LIN9: variants seen among roughly 807,000 people sequenced by gnomAD.
LIN9 encodes the protein protein lin-9 homolog.
In LIN9, 18 loss-of-function variants were observed where a neutral mutation model predicts 78.0. The ratio of observed to expected loss-of-function variants is 0.23; its 90% CI spans 0.16 to 0.34. The LOEUF is 0.34. LIN9 is among the 10% of genes least tolerant of loss of function. LIN9 has a pLI of 1.00. For missense variants in LIN9, 451 were observed against 644.1 expected (o/e 0.70, Z 3.25); for synonymous variants, 192 against 215.2 (o/e 0.89, Z 0.94).
Position 226,236,600 on chromosome 1 carries a change from C to T in LIN9, c.1245+2371G>A, listed in dbSNP as rs1007113419. ...CCTCCCGAGTAGCTGGGACTACAGG[C>T]GCCCGCCACCACGCCCAGCTAATTT... On this transcript the variant is annotated intron_variant, in intron 12 of 14. Coordinates refer to ENST00000681046, the MANE Select transcript of LIN9 (RefSeq NM_001366245.2). 4.5e-4 allele frequency among the ~76,000 whole-genome samples: 68 copies of T among 152,066 alleles called. 1 individual carries two copies. Among genetic ancestry groups the T allele is most frequent in the Non-Finnish European group, 1.2e-4 (8 of 68,004 alleles).
intron 4 of LIN9, among the ~76,000 whole-genome samples, 197 bp downstream of exon 4, chr1:226,295,645 A>G (rs994029072): frequency 3.3e-5 from 5 of 152,160 alleles, no homozygotes; most frequent in Admixed American, 3.3e-4. Flanking sequence ...TTGTAGGACT[A>G]ATGACTGGCT....
At chr1:226,281,156 T>C (rs1301343824) in intron 6 of LIN9, among the ~76,000 whole-genome samples, 1 of 152,152 alleles carries the variant, frequency 6.6e-6, no homozygotes, top group Non-Finnish European at 1.5e-5. Context: ...CTAAGTGTAA[T>C]AAGCCAGGCA....
Position 226,231,881 on chromosome 1 carries a change from ATAAAT to A in LIN9, c.*615_*619del. 1 of 314,256 alleles carries A rather than the reference ATAAAT, an allele frequency of 3.2e-6. No individual in the cohort carries two copies. The highest frequency in any genetic ancestry group is 5.7e-6 in the Non-Finnish European group (1 of 176,076). The allele number at this position is 314,256 out of a possible 1,614,324, so 19.5% of individuals were successfully genotyped here. A position where few individuals can be genotyped will look rare whatever the true frequency, so the allele number is the denominator to read the frequency against. ...ACAAAGGTTTCTTTTATATGTTATG[ATAAAT>A]TAAAATATTTATTATTATAAAATGA... is the stretch of plus-strand genomic sequence containing the variant. On this transcript the variant is annotated 3_prime_UTR_variant, in exon 15 of 15. Transcript: ENST00000681046.
At chr1:226,309,241 C>A, upstream of LIN9, 1 of 1,360,082 alleles carries the variant, frequency 7.4e-7, no homozygotes, top group Non-Finnish European at 9.7e-7. Context: ...GCTCGCTGCC[C>A]GCGGCGCCGC....
At chr1:226,289,859 G>GGGGA (rs1661638467) in intron 4 of LIN9, among the ~76,000 whole-genome samples, 2 of 100,850 alleles carry the variant, frequency 2.0e-5, no homozygotes, top group Non-Finnish European at 4.1e-5. Context: ...GGGGGGGTGG[G>GGGGA]AAAGCTAGGT....
intron 10 of LIN9, among the ~76,000 whole-genome samples, chr1:226,255,053 C>G (rs764073973): frequency 6.6e-6 from 1 of 151,918 alleles, no homozygotes; most frequent in Non-Finnish European, 1.5e-5. Context: ...AACCCATGAG[C>G]AAAAACCTCT....
chr1:226,241,976 A>C (rs550294650), intron 11 of LIN9, among the ~76,000 whole-genome samples: 1 of 152,334 alleles, frequency 6.6e-6, no homozygotes, highest in African/African-American at 2.4e-5. Context: ...ACTTCTAAAA[A>C]TATTTTTTGA....
At chr1:226,280,179 C>A (rs1039389011) in intron 6 of LIN9, among the ~76,000 whole-genome samples, 2 of 152,182 alleles carry the variant, frequency 1.3e-5, no homozygotes, top group African/African-American at 4.8e-5. Context: ...TTAAACATCA[C>A]TTTCATGCCA....
chr1:226,253,316 T>A (rs1170493884), intron 10 of LIN9, among the ~76,000 whole-genome samples: 1 of 151,818 alleles, frequency 6.6e-6, no homozygotes, highest in Non-Finnish European at 1.5e-5. Flanking sequence ...TATCTCTCTT[T>A]TTTTTGGAGA....
chr1:226,237,242 A>C (rs1007727559), intron 12 of LIN9, among the ~76,000 whole-genome samples: 2 of 152,208 alleles, frequency 1.3e-5, no homozygotes, highest in African/African-American at 4.8e-5. Context: ...TGTCTTGTGA[A>C]TAATTGCTAG....
intron 10 of LIN9, among the ~76,000 whole-genome samples, chr1:226,264,616 T>TG (rs1178030837): frequency 6.6e-6 from 1 of 152,010 alleles, no homozygotes; most frequent in Non-Finnish European, 1.5e-5. Flanking sequence ...GAGGCCAAGG[T>TG]GGGGGGATCA....
Position 226,231,863 on chromosome 1 carries a change from T to C in LIN9, c.*638A>G, listed in dbSNP as rs1485706265. 2 of 283,160 alleles carry C rather than the reference T, an allele frequency of 7.1e-6. No individual in the cohort carries two copies. Among genetic ancestry groups the C allele is most frequent in the East Asian group, 1.2e-4 (2 of 16,712 alleles). The allele number at this position is 283,160 out of a possible 1,614,324, so 17.5% of individuals were successfully genotyped here. A position where few individuals can be genotyped will look rare whatever the true frequency, so the allele number is the denominator to read the frequency against. ...ATTTTCTTTCAACAAACAACAAAGG[T>C]TTCTTTTATATGTTATGATAAATTA... On this transcript the variant is annotated 3_prime_UTR_variant, in exon 15 of 15. Coordinates refer to ENST00000681046, the MANE Select transcript of LIN9 (RefSeq NM_001366245.2).
intron 1 of LIN9, among the ~76,000 whole-genome samples, chr1:226,307,355 A>G (rs1662978043): frequency 6.6e-6 from 1 of 152,222 alleles, no homozygotes; most frequent in South Asian, 2.1e-4. Flanking sequence ...AATCAAGACC[A>G]GCTGCGGTGG....
At chr1:226,291,758 G>C (rs1661809118) in intron 4 of LIN9, among the ~76,000 whole-genome samples, 1 of 152,054 alleles carries the variant, frequency 6.6e-6, no homozygotes, top group Non-Finnish European at 1.5e-5. Flanking sequence ...GTCAAAACTA[G>C]TGCAATACTA....
chr1:226,294,528 C>T (rs1347412368), intron 4 of LIN9, among the ~76,000 whole-genome samples: 1 of 150,810 alleles, frequency 6.6e-6, no homozygotes, highest in Non-Finnish European at 1.5e-5. Context: ...GCTGAGATCA[C>T]ACCACTGCAC....
At chr1:226,298,784 T>C (rs1363899296) in intron 2 of LIN9, among the ~76,000 whole-genome samples, 2 of 151,912 alleles carry the variant, frequency 1.3e-5, no homozygotes, top group Admixed American at 6.6e-5. Flanking sequence ...TGCTGGAACC[T>C]GGGAGGCGAA....
intron 11 of LIN9, among the ~76,000 whole-genome samples, chr1:226,243,926 G>C (rs936823717): frequency 6.6e-6 from 1 of 151,084 alleles, no homozygotes; most frequent in Non-Finnish European, 1.5e-5. Flanking sequence ...CCAGGCTGGA[G>C]TGCAGTGGCA....
chr1:226,306,822 T>G (rs1162437049), intron 1 of LIN9, among the ~76,000 whole-genome samples: 1 of 152,202 alleles, frequency 6.6e-6, no homozygotes, highest in Non-Finnish European at 1.5e-5. Flanking sequence ...GACCCTGCTC[T>G]AGTTTCAGTA....
intron 4 of LIN9, among the ~76,000 whole-genome samples, chr1:226,291,330 T>C (rs1227322037): frequency 6.6e-6 from 1 of 152,006 alleles, no homozygotes; most frequent in Non-Finnish European, 1.5e-5. Flanking sequence ...AATCCGATTA[T>C]CTCAATCAAT....
Sources: allele counts gnomAD v4.1 joint callset (sites outside exome capture counted in the v4.1 genomes callset), GRCh38; gene constraint gnomAD v4.1.1; transcripts MANE v1.5; gene names NCBI Gene and HGNC (gene_info 2026-07-23, HGNC 2026-07-21).